ESRRG: variants seen among roughly 807,000 people sequenced by gnomAD.
The protein encoded by ESRRG is estrogen-related receptor gamma.
ESRRG carries 13 observed loss-of-function variants against 44.0 expected under a neutral mutation model. That is an observed-to-expected ratio of 0.30 (90% CI 0.19 to 0.47). The LOEUF is 0.47. ESRRG is among the 20% of genes least tolerant of loss of function. The pLI, the probability that ESRRG is intolerant of heterozygous loss-of-function variation, is 1.00. For missense variants in ESRRG, 395 were observed against 580.6 expected (o/e 0.68, Z 3.29); for synonymous variants, 215 against 214.6 (o/e 1.00, Z -0.02).
intron 1 of ESRRG, among the ~76,000 whole-genome samples, chr1:216,716,195 G>T (rs1200665106): frequency 6.6e-6 from 1 of 152,018 alleles, no homozygotes; most frequent in Non-Finnish European, 1.5e-5. Flanking sequence ...CCACTTCAGA[G>T]ACTTTTGTCT....
At chr1:217,056,767 G>T (rs761942172) in intron 1 of ESRRG, among the ~76,000 whole-genome samples, 1 of 150,912 alleles carries the variant, frequency 6.6e-6, no homozygotes, top group Non-Finnish European at 1.5e-5. Context: ...AACTAAACTA[G>T]GAGACAAAGT....
intron 1 of ESRRG, among the ~76,000 whole-genome samples, chr1:217,008,400 A>C (rs2078067710): frequency 6.6e-6 from 1 of 152,246 alleles, no homozygotes; most frequent in Non-Finnish European, 1.5e-5. Flanking sequence ...AACTGAATTC[A>C]AACCCTGGAC....
At chr1:217,091,239 T>C (rs933342785), upstream of ESRRG, among the ~76,000 whole-genome samples, 3 of 152,214 alleles carry the variant, frequency 2.0e-5, no homozygotes, top group African/African-American at 7.2e-5. Context: ...GTGGAGTCAC[T>C]GTTCCTACTA....
intron 1 of ESRRG, among the ~76,000 whole-genome samples, chr1:217,135,217 G>C (rs1446575167): frequency 6.6e-6 from 1 of 151,414 alleles, no homozygotes; most frequent in Non-Finnish European, 1.5e-5. Context: ...TCTAGGGCCA[G>C]CTCGGGCACG....
At chr1:216,707,178 C>T (rs2082617539) in intron 1 of ESRRG, among the ~76,000 whole-genome samples, 1 of 152,152 alleles carries the variant, frequency 6.6e-6, no homozygotes. Flanking sequence ...CAAACAAATC[C>T]TTCTTACCTT....
At chr1:216,556,757 A>G (rs1487205766) in intron 5 of ESRRG, among the ~76,000 whole-genome samples, 1 of 152,144 alleles carries the variant, frequency 6.6e-6, no homozygotes, top group East Asian at 1.9e-4. Flanking sequence ...ATTCAGTTAT[A>G]GTTGTCAAAT....
At chr1:216,622,258 G>A (rs903779701) in intron 3 of ESRRG, among the ~76,000 whole-genome samples, 2 of 152,140 alleles carry the variant, frequency 1.3e-5, no homozygotes, top group African/African-American at 4.8e-5. Context: ...GACCTCTGCA[G>A]TTCTAAGAAC....
intron 2 of ESRRG, among the ~76,000 whole-genome samples, chr1:216,755,949 C>G (rs1268359212): frequency 6.6e-6 from 1 of 151,990 alleles, no homozygotes; most frequent in African/African-American, 2.4e-5. Context: ...ACCCTGGCCC[C>G]CCTGCACATT....
At chr1:217,127,688 G>T (rs893182337) in intron 1 of ESRRG, among the ~76,000 whole-genome samples, 1 of 152,168 alleles carries the variant, frequency 6.6e-6, no homozygotes, top group African/African-American at 2.4e-5. Flanking sequence ...CCTCGGGCAA[G>T]TTATAGAAAA....
At chr1:216,905,521 C>T (rs1370735155) in intron 2 of ESRRG, among the ~76,000 whole-genome samples, 1 of 152,068 alleles carries the variant, frequency 6.6e-6, no homozygotes, top group East Asian at 1.9e-4. Flanking sequence ...TTTCTTCCTA[C>T]CACCACCCTC....
At chr1:216,929,059 C>A (rs181923417) in intron 2 of ESRRG, among the ~76,000 whole-genome samples, 14 of 152,186 alleles carry the variant, frequency 9.2e-5, no homozygotes, top group Non-Finnish European at 1.3e-4. Flanking sequence ...CTTAATGCCA[C>A]TGAACTGTAT....
intron 2 of ESRRG, among the ~76,000 whole-genome samples, chr1:216,824,333 C>T (rs1222864285): frequency 2.0e-5 from 3 of 152,120 alleles, no homozygotes; most frequent in African/African-American, 2.4e-5. Flanking sequence ...GTAATCTCAG[C>T]TACTCAGAAG....
intron 1 of ESRRG, among the ~76,000 whole-genome samples, chr1:216,981,702 C>A (rs965533575): frequency 1.1e-4 from 11 of 98,930 alleles, no homozygotes; most frequent in African/African-American, 3.5e-4. Context: ...AAGAGTTAAA[C>A]ACACACACAC....
At chr1:217,053,140 A>AAAAAAAAAAAAAACAAAAAACAAAAAAC (rs2086387019) in intron 1 of ESRRG, among the ~76,000 whole-genome samples, 7 of 150,444 alleles carry the variant, frequency 4.7e-5, no homozygotes, top group Admixed American at 1.3e-4. Flanking sequence ...TCTTAAAAAA[A>AAAAAAAAAAAAAACAAAAAACAAAAAAC]AAAAAAAAAA....
chr1:216,889,342 T>G (rs989193262), intron 2 of ESRRG, among the ~76,000 whole-genome samples: 2 of 152,130 alleles, frequency 1.3e-5, no homozygotes, highest in Non-Finnish European at 2.9e-5. Context: ...TTTTTGCACA[T>G]GCTAGGCACA....
At chr1:216,636,319 A>G (rs1182965590) in intron 3 of ESRRG, among the ~76,000 whole-genome samples, 3 of 152,210 alleles carry the variant, frequency 2.0e-5, no homozygotes, top group African/African-American at 4.8e-5. Flanking sequence ...GAAATTAATG[A>G]CCATAATTTT....
chr1:216,777,078 T>C (rs1011552760), intron 2 of ESRRG, among the ~76,000 whole-genome samples: 2 of 152,138 alleles, frequency 1.3e-5, no homozygotes, highest in Admixed American at 1.3e-4. Context: ...ACTACTGGCA[T>C]GATCCATGGG....
chr1:216,612,679 T>C (rs191119904), intron 3 of ESRRG, among the ~76,000 whole-genome samples: 9 of 152,260 alleles, frequency 5.9e-5, no homozygotes, highest in African/African-American at 2.2e-4. Flanking sequence ...GCAACCACAG[T>C]TTACTTTACA....
At chr1:217,000,021 G>A (rs1164516679) in intron 1 of ESRRG, among the ~76,000 whole-genome samples, 2 of 152,196 alleles carry the variant, frequency 1.3e-5, no homozygotes, top group African/African-American at 4.8e-5. Flanking sequence ...CCATGGAAAT[G>A]TGGGCTAAAC....
Sources: allele counts gnomAD v4.1 joint callset (sites outside exome capture counted in the v4.1 genomes callset), GRCh38; gene constraint gnomAD v4.1.1; transcripts MANE v1.5; gene names NCBI Gene and HGNC (gene_info 2026-07-23, HGNC 2026-07-21).